CADM2: variants seen among roughly 807,000 people sequenced by gnomAD.
CADM2 encodes cell adhesion molecule 2.
CADM2 carries 12 observed loss-of-function variants against 49.8 expected under a neutral mutation model. That is an observed-to-expected ratio of 0.24 (90% CI 0.15 to 0.39). CADM2 has a LOEUF of 0.39. CADM2 is among the 10% of genes least tolerant of loss of function. The pLI is 1.00. For synonymous variants in CADM2, 214 were observed against 175.4 expected (o/e 1.22, Z -1.74); for missense variants, 378 against 492.3 (o/e 0.77, Z 2.20).
At chr3:85,311,015 G>T (rs941816072) in intron 1 of CADM2, among the ~76,000 whole-genome samples, 3 of 152,146 alleles carry the variant, frequency 2.0e-5, no homozygotes, top group Non-Finnish European at 4.4e-5. Flanking sequence ...AGAAAACACT[G>T]CCAGACATCA....
chr3:85,881,184 A>G (rs1054115315), intron 3 of CADM2, among the ~76,000 whole-genome samples: 1 of 152,060 alleles, frequency 6.6e-6, no homozygotes, highest in African/African-American at 2.4e-5. Context: ...TCATTGTACT[A>G]TAGAGAAAAT....
chr3:85,909,521 C>A (rs1717279367), intron 5 of CADM2, among the ~76,000 whole-genome samples: 1 of 151,972 alleles, frequency 6.6e-6, no homozygotes, highest in Non-Finnish European at 1.5e-5. Context: ...CCCACTCCAT[C>A]TTTAGTTATG....
chr3:84,968,236 G>A (rs993957962), intron 1 of CADM2, among the ~76,000 whole-genome samples: 1 of 151,590 alleles, frequency 6.6e-6, no homozygotes, highest in African/African-American at 2.4e-5. Flanking sequence ...CTTTTCTATA[G>A]CTTCCACTGA....
At chr3:85,375,522 TAA>T (rs1192494749) in intron 1 of CADM2, among the ~76,000 whole-genome samples, 1 of 152,178 alleles carries the variant, frequency 6.6e-6, no homozygotes, top group African/African-American at 2.4e-5. Context: ...TACAAGTATG[TAA>T]AAAAGTTTGC....
In CADM2 at chr3:85,010,211, A is replaced by T. The variant is rs534718657; in HGVS notation, c.61+50543A>T. On this transcript the variant is annotated intron_variant, in intron 1 of 9. Coordinates refer to ENST00000383699, the MANE Select transcript of CADM2 (RefSeq NM_001167675.2). ...TTTTATTAATGCAACCCAAGATCCA[A>T]ATTGCCACATCAGAGTTCAATGATA... Among the ~76,000 whole-genome samples the T allele has an allele frequency of 9.8e-5, 15 of 152,296 alleles. No individual in the cohort carries two copies. The East Asian group carries it at 2.9e-3, about 29-fold the overall frequency.
intron 7 of CADM2, among the ~76,000 whole-genome samples, chr3:85,957,131 T>C (rs796317108): frequency 1.3e-5 from 2 of 151,804 alleles, no homozygotes; most frequent in East Asian, 3.9e-4. Context: ...CTTCAAGAGA[T>C]GTTAACGATG....
chr3:85,554,879 T>TA (rs778227659), intron 1 of CADM2, among the ~76,000 whole-genome samples: 24 of 29,364 alleles, frequency 8.2e-4, no homozygotes, highest in Non-Finnish European at 1.3e-3. Flanking sequence ...TTTTTTTATT[T>TA]TTATTTTTTT....
At chr3:85,230,908 A>T (rs930420158) in intron 1 of CADM2, among the ~76,000 whole-genome samples, 2 of 152,048 alleles carry the variant, frequency 1.3e-5, no homozygotes, top group Non-Finnish European at 2.9e-5. Flanking sequence ...AATGCCACAA[A>T]CTGGTTGGCT....
chr3:85,564,272 G>C (rs1900915), intron 1 of CADM2, among the ~76,000 whole-genome samples: 77,892 of 151,648 alleles, frequency 0.51, 23,054 homozygotes, highest in East Asian at 0.85. Context: ...GTACAATTTT[G>C]TGGCATTAAG....
intron 8 of CADM2, among the ~76,000 whole-genome samples, chr3:85,977,913 G>A (rs770886957): frequency 7.9e-5 from 12 of 151,520 alleles, no homozygotes; most frequent in Non-Finnish European, 1.0e-4. Flanking sequence ...AAAATTCAGC[G>A]GGTAGAGTCT....
At position 85,605,460 on chromosome 3, in the gene CADM2, T is replaced by C. The variant is rs138439335; in HGVS notation, c.62-121062T>C. Among the ~76,000 whole-genome samples, 7 of 152,132 alleles carry C rather than the reference T, an allele frequency of 4.6e-5. No individual in the cohort carries two copies. In the East Asian group the frequency reaches 1.4e-3, roughly 29 times the overall value. On this transcript the variant is annotated intron_variant, in intron 1 of 9. Coordinates refer to ENST00000383699, the MANE Select transcript of CADM2 (RefSeq NM_001167675.2). ...GAATAAGCTCTAATGTTGAAAGGGA[T>C]TTTAGGGCTCGTATGGTCCAATCCA...
chr3:85,704,361 A>G (rs747046957), intron 1 of CADM2, among the ~76,000 whole-genome samples: 1 of 152,200 alleles, frequency 6.6e-6, no homozygotes, highest in Non-Finnish European at 1.5e-5. Flanking sequence ...GGCTGCTGTA[A>G]CAGAGTACAA....
At chr3:85,515,812 C>T (rs902449128) in intron 1 of CADM2, among the ~76,000 whole-genome samples, 2 of 151,492 alleles carry the variant, frequency 1.3e-5, no homozygotes, top group African/African-American at 4.9e-5. Flanking sequence ...AATATGCCAT[C>T]CCCTCCTTAA....
chr3:85,230,171 G>A (rs573659361), intron 1 of CADM2, among the ~76,000 whole-genome samples: 3 of 152,216 alleles, frequency 2.0e-5, no homozygotes, highest in African/African-American at 4.8e-5. Flanking sequence ...TTCACAGCAA[G>A]GAGTATATTA....
At position 86,015,481 on chromosome 3, in the gene CADM2, G is replaced by A. The variant is rs567181667; in HGVS notation, c.971-50124G>A. 2.1e-4 allele frequency among the ~76,000 whole-genome samples: 32 copies of A among 152,252 alleles called. No individual in the cohort carries two copies. The South Asian group carries it at 6.4e-3, about 31-fold the overall frequency. On this transcript the variant is annotated intron_variant, in intron 8 of 9. Transcript: ENST00000383699. ...AAGTATGTTTTGAAGAGGTGCGGGA[G>A]GAAGGAATACATTTTATAAAATGTT...
chr3:85,255,595 T>C (rs2042867433), intron 1 of CADM2, among the ~76,000 whole-genome samples: 1 of 151,940 alleles, frequency 6.6e-6, no homozygotes, highest in South Asian at 2.1e-4. Context: ...TTGTGAGAAC[T>C]GAGTGAAAAA....
intron 1 of CADM2, among the ~76,000 whole-genome samples, chr3:85,308,842 G>A (rs2044277090): frequency 6.6e-6 from 1 of 152,052 alleles, no homozygotes; most frequent in Non-Finnish European, 1.5e-5. Context: ...AAGTAAGATA[G>A]GCAACTACGT....
At chr3:85,102,888 C>T (rs553307556) in intron 1 of CADM2, among the ~76,000 whole-genome samples, 13 of 152,108 alleles carry the variant, frequency 8.5e-5, no homozygotes, top group Non-Finnish European at 1.2e-4. Context: ...TAAATATTTC[C>T]ACAAAGTAAT....
intron 1 of CADM2, among the ~76,000 whole-genome samples, chr3:85,085,844 T>G (rs938681358): frequency 1.6e-4 from 24 of 152,140 alleles, no homozygotes; most frequent in Admixed American, 2.0e-4. Flanking sequence ...TGCCTTGCTT[T>G]TTTTTCTCAG....
Sources: gnomAD v4.1 joint callset for allele counts (sites outside exome capture counted in the v4.1 genomes callset) on GRCh38, gnomAD v4.1.1 for gene constraint, MANE v1.5 for transcripts, NCBI Gene and HGNC (gene_info 2026-07-23, HGNC 2026-07-21) for gene names.